The following ERC1 variants were observed in gnomAD, a reference collection of about 807,000 sequenced individuals.
ERC1 encodes the protein ELKS/RAB6-interacting/CAST family member 1, also known as RAB6 interacting protein 2.
A neutral mutation model predicts 132.0 loss-of-function variants in ERC1; 56 were observed. That is an observed-to-expected ratio of 0.42 (90% CI 0.34 to 0.53). The LOEUF (loss-of-function observed/expected upper bound fraction) is 0.53. Ranked by LOEUF, ERC1 falls within the 20% of genes least tolerant of loss-of-function variation. The pLI is 0.03. For missense variants in ERC1, 1,202 were observed against 1,349.9 expected (o/e 0.89, Z 1.72); for synonymous variants, 478 against 476.1 (o/e 1.00, Z -0.05).
intron 15 of ERC1, among the ~76,000 whole-genome samples, chr12:1,355,540 T>G (rs1051158880): frequency 1.3e-5 from 2 of 152,248 alleles, no homozygotes; most frequent in Non-Finnish European, 2.9e-5. Context: ...GGAAATCTTT[T>G]GTCATGCTTA....
intron 15 of ERC1, among the ~76,000 whole-genome samples, chr12:1,321,325 C>CGTGTGT (rs144780111): frequency 6.7e-6 from 1 of 148,780 alleles, no homozygotes; most frequent in Non-Finnish European, 1.5e-5. Context: ...GCATATGATA[C>CGTGTGT]GTGTGTGTGT....
intron 8 of ERC1, among the ~76,000 whole-genome samples, chr12:1,148,306 G>A (rs1343544787): frequency 6.6e-6 from 1 of 152,098 alleles, no homozygotes; most frequent in African/African-American, 2.4e-5. Flanking sequence ...GGGAGGCTTT[G>A]GGAATCTTAT....
At chr12:1,083,683 G>A in intron 3 of ERC1, 103 bp downstream of exon 3, 1 of 903,666 alleles carries the variant, frequency 1.1e-6, no homozygotes. Context: ...TGCCGTGCTG[G>A]TGGAAGAGAA....
chr12:1,168,847 T>C (rs1952741682), intron 8 of ERC1, among the ~76,000 whole-genome samples: 1 of 152,186 alleles, frequency 6.6e-6, no homozygotes, highest in Non-Finnish European at 1.5e-5. Context: ...ATTAATAATT[T>C]GTAACTTCTC....
intron 15 of ERC1, among the ~76,000 whole-genome samples, chr12:1,321,342 G>GTA (rs1555360073): frequency 1.3e-5 from 2 of 152,014 alleles, no homozygotes; most frequent in South Asian, 2.1e-4. Flanking sequence ...GTGTGTGTGT[G>GTA]TATATTTTGC....
At chr12:1,105,814 T>C (rs1206564030) in intron 4 of ERC1, among the ~76,000 whole-genome samples, 2 of 152,258 alleles carry the variant, frequency 1.3e-5, no homozygotes, top group Non-Finnish European at 2.9e-5. Flanking sequence ...TTTGATGCCA[T>C]TGCCTTGATT....
chr12:1,252,097 G>A (rs190991409), intron 13 of ERC1, among the ~76,000 whole-genome samples: 177 of 152,140 alleles, frequency 1.2e-3, no homozygotes, highest in African/African-American at 4.0e-3. Context: ...GGTAATTAGG[G>A]TACTCATCCC....
At chr12:1,440,743 G>C (rs2093127956) in intron 17 of ERC1, among the ~76,000 whole-genome samples, 1 of 150,252 alleles carries the variant, frequency 6.7e-6, no homozygotes, top group South Asian at 2.1e-4. Context: ...CACCTCCCAG[G>C]TTCAAGCAAT....
chr12:1,284,265 CGT>C (rs71055142), intron 14 of ERC1, among the ~76,000 whole-genome samples: 22,053 of 139,922 alleles, frequency 0.16, 1,661 homozygotes, highest in African/African-American at 0.18. Flanking sequence ...GAATAGTATT[CGT>C]GTGTGTGTGT....
intron 18 of ERC1, among the ~76,000 whole-genome samples, chr12:1,452,979 G>A (rs747149615): frequency 6.6e-6 from 1 of 152,094 alleles, no homozygotes; most frequent in Non-Finnish European, 1.5e-5. Flanking sequence ...CTGTGGTGCC[G>A]ATGTTTCTGT....
intron 8 of ERC1, among the ~76,000 whole-genome samples, chr12:1,179,121 T>C (rs1257311673): frequency 6.6e-6 from 1 of 152,218 alleles, no homozygotes; most frequent in Non-Finnish European, 1.5e-5. Context: ...AGTGATAACA[T>C]GCCGCTTGCT....
intron 17 of ERC1, among the ~76,000 whole-genome samples, chr12:1,409,358 A>G (rs1358211458): frequency 2.6e-5 from 4 of 152,226 alleles, no homozygotes; most frequent in Admixed American, 6.5e-5. Flanking sequence ...ATGCCAGGGT[A>G]TATAAGATGC....
At chr12:1,203,761 A>G (rs896789705) in intron 12 of ERC1, among the ~76,000 whole-genome samples, 1 of 152,368 alleles carries the variant, frequency 6.6e-6, no homozygotes, top group Non-Finnish European at 1.5e-5. Flanking sequence ...AAAAGACAGT[A>G]ATGAACTGTA....
intron 15 of ERC1, among the ~76,000 whole-genome samples, chr12:1,318,636 G>A (rs1490691125): frequency 6.6e-6 from 1 of 152,250 alleles, no homozygotes; most frequent in African/African-American, 2.4e-5. Flanking sequence ...GTGTAATTGT[G>A]TGAGAAGCAC....
chr12:1,200,065 C>T (rs1243531290), intron 12 of ERC1, among the ~76,000 whole-genome samples: 1 of 152,092 alleles, frequency 6.6e-6, no homozygotes, highest in Non-Finnish European at 1.5e-5. Context: ...TGCCAGGCTT[C>T]AACTTAATGC....
intron 17 of ERC1, among the ~76,000 whole-genome samples, chr12:1,434,912 A>G (rs898681614): frequency 1.3e-5 from 2 of 152,244 alleles, no homozygotes; most frequent in Admixed American, 1.3e-4. Flanking sequence ...GATGACCGTC[A>G]GAGTTTGTGT....
chr12:1,411,989 C>T (rs192295316), intron 17 of ERC1, among the ~76,000 whole-genome samples: 318 of 152,272 alleles, frequency 2.1e-3, no homozygotes, highest in African/African-American at 7.2e-3. Context: ...TTCCAATTAT[C>T]GCACTATTGA....
intron 17 of ERC1, among the ~76,000 whole-genome samples, chr12:1,433,608 G>T (rs769986362): frequency 2.0e-5 from 3 of 152,162 alleles, no homozygotes; most frequent in Non-Finnish European, 4.4e-5. Context: ...TTGCTAGCTG[G>T]AGGCTGGTTT....
chr12:1,381,171 C>G (rs2088608872), intron 16 of ERC1: 1 of 152,234 alleles, frequency 6.6e-6, no homozygotes, highest in African/African-American at 2.4e-5. Context: ...CTGTGCACAT[C>G]AGCATCAGCC....
Sources: allele counts gnomAD v4.1 joint callset (sites outside exome capture counted in the v4.1 genomes callset), GRCh38; gene constraint gnomAD v4.1.1; transcripts MANE v1.5; gene names NCBI Gene and HGNC (gene_info 2026-07-23, HGNC 2026-07-21).